The following SMIM5 variants were observed in gnomAD, a reference collection of about 807,000 sequenced individuals.
SMIM5 encodes the protein small integral membrane protein 5.
Under a neutral mutation model 4.0 loss-of-function variants are expected in SMIM5, and 4 were observed. The ratio of observed to expected loss-of-function variants is 1.01; its 90% CI spans 0.50 to 2.30. SMIM5 has a LOEUF of 2.30. SMIM5 is among the 30% of genes most tolerant of loss of function. The pLI, the probability that SMIM5 is intolerant of heterozygous loss-of-function variation, is 0.02. For missense variants in SMIM5, 107 were observed against 99.2 expected (o/e 1.08, Z -0.34); for synonymous variants, 46 against 43.6 (o/e 1.05, Z -0.22).
At position 75,640,680 on chromosome 17, in the gene SMIM5, C is replaced by T; in HGVS notation, c.128-111C>T. The T allele has an allele frequency of 6.7e-7, 1 of 1,484,406 alleles. No homozygotes were observed. Among genetic ancestry groups the T allele is most frequent in the Non-Finnish European group, 9.0e-7 (1 of 1,114,136 alleles). The allele number at this position is 1,484,406 out of a possible 1,614,324, so 92.0% of individuals were successfully genotyped here. The stretch of plus-strand genomic sequence containing the variant: ...CAGCCTCTCGGATCTTTCTGACCTC[C>T]ACCAAACCTGTGGGGGAAAGACCCT... On this transcript the variant is annotated intron_variant, in intron 2 of 2. Transcript: ENST00000375215. The surrounding 1 kb of genome is among the most constrained non-coding windows in gnomAD (Gnocchi z 4.6).
Position 75,636,414 on chromosome 17 carries a change from C to T in SMIM5, c.-37+2212C>T, listed in dbSNP as rs990671139. Among the ~76,000 whole-genome samples, 8 of 152,212 alleles carry T rather than the reference C, an allele frequency of 5.3e-5. No homozygotes were observed. The highest frequency in any genetic ancestry group is 1.2e-4 in the African/African-American group (5 of 41,454). The stretch of plus-strand genomic sequence containing the variant: ...TGGGATCATCAGTAGCCCTCCTGGG[C>T]TTCCCTGCCTTCCTCCTGCCAAACC... On this transcript the variant is annotated intron_variant, in intron 1 of 2. Coordinates refer to ENST00000375215, the MANE Select transcript of SMIM5 (RefSeq NM_001162995.3). The surrounding 1 kb of genome is among the most constrained non-coding windows in gnomAD (Gnocchi z 5.4).
chr17:75,637,754 G>A (rs983713789), intron 1 of SMIM5: 4 of 152,428 alleles, frequency 2.6e-5, no homozygotes, highest in Middle Eastern at 6.8e-3. Context: ...GGCTTCCAGG[G>A]GGCTCTCGGG....
Position 75,640,419 on chromosome 17 carries a change from G to A in SMIM5, c.127+91G>A, listed in dbSNP as rs1393129330. On this transcript the variant is annotated intron_variant, in intron 2 of 2. Transcript: ENST00000375215. This position sits in a 1 kb window ranked among gnomAD's most constrained non-coding sequence, Gnocchi z 4.6. ...CAGCCAGAGGGCTGGCAGAGGTGGC[G>A]GGTGTCTGCCGGATCAAGGAGGAAA... 46 of 1,446,332 alleles carry A rather than the reference G, an allele frequency of 3.2e-5. No individual in the cohort carries two copies. The highest frequency in any genetic ancestry group is 2.3e-4 in the Admixed American group (8 of 34,822). The allele number at this position is 1,446,332 out of a possible 1,614,324, so 89.6% of individuals were successfully genotyped here.
At chr17:75,638,093 G>A (rs2059361366) in intron 1 of SMIM5, 1 of 152,164 alleles carries the variant, frequency 6.6e-6, no homozygotes, top group Non-Finnish European at 1.5e-5. Flanking sequence ...GAGAAGCTGG[G>A]TGGATCTAAC....
At chr17:75,639,399 TG>T (rs1378577857) in intron 1 of SMIM5, 1 of 152,278 alleles carries the variant, frequency 6.6e-6, no homozygotes, top group East Asian at 1.9e-4. Context: ...GAAAGCCTTC[TG>T]GAGTGGCACC....
chr17:75,640,694 G>A lies in SMIM5; in HGVS notation c.128-97G>A. The A allele has an allele frequency of 6.7e-7, 1 of 1,497,128 alleles. No homozygotes were observed. The highest frequency in any genetic ancestry group is 8.9e-7 in the Non-Finnish European group (1 of 1,119,512). 92.7% of individuals were successfully genotyped at this position (1,497,128 alleles called of 1,614,324 possible). ...TTTCTGACCTCCACCAAACCTGTGGGGGAAAGACCCTGGCAGGCAGTGGGT... is the reference window on the plus strand; with the variant it reads ...TTTCTGACCTCCACCAAACCTGTGGAGGAAAGACCCTGGCAGGCAGTGGGT... On this transcript the variant is annotated intron_variant, in intron 2 of 2. Coordinates refer to ENST00000375215, the MANE Select transcript of SMIM5 (RefSeq NM_001162995.3). The surrounding 1 kb of genome is among the most constrained non-coding windows in gnomAD (Gnocchi z 4.6).
chr17:75,639,347 A>G (rs776525928), intron 1 of SMIM5: 1 of 152,248 alleles, frequency 6.6e-6, no homozygotes, highest in Non-Finnish European at 1.5e-5. Flanking sequence ...TCCTCTCTAA[A>G]GAGGCACCAG....
chr17:75,639,117 T>C (rs1353910405), intron 1 of SMIM5: 2 of 152,198 alleles, frequency 1.3e-5, no homozygotes, highest in Non-Finnish European at 2.9e-5. Context: ...TCACGGTGGT[T>C]CTAAACCAGC....
rs1323932278 is a variant in SMIM5, at chr17:75,640,828, C to T, written c.165C>T (p.Cys55=). The T allele has an allele frequency of 3.2e-6, 5 of 1,549,928 alleles. No individual in the cohort carries two copies. The Admixed American group carries it at 9.8e-5, about 30-fold the overall frequency. ...TGTTGCTGCTGATAGCCTGCAGCTGCTGCTGCACTCACTGCTGCTGCCCTG... is the reference window on the plus strand; with the variant it reads ...TGTTGCTGCTGATAGCCTGCAGCTGTTGCTGCACTCACTGCTGCTGCCCTG... ...VLLLLLIACS[C]CCTHCCCPER... The change falls in exon 3 of 3, where the codon TGC becomes TGT. Residue 55 remains cysteine, a synonymous_variant. Transcript: ENST00000375215. The surrounding 1 kb of genome is among the most constrained non-coding windows in gnomAD (Gnocchi z 4.6).
Position 75,641,011 on chromosome 17 carries a change from G to T in SMIM5, c.*114G>T, listed in dbSNP as rs551400753. 6.8e-7 allele frequency: 1 copy of T among 1,471,128 alleles called. No individual in the cohort carries two copies. Among genetic ancestry groups the T allele is most frequent in the East Asian group, 2.5e-5 (1 of 39,898 alleles). 91.1% of individuals were successfully genotyped at this position (1,471,128 alleles called of 1,614,324 possible). On this transcript the variant is annotated 3_prime_UTR_variant, in exon 3 of 3. Coordinates refer to ENST00000375215, the MANE Select transcript of SMIM5 (RefSeq NM_001162995.3). Reference sequence around the variant, plus strand: ...TCAAGACCAGGCTCCCCTGGCCCCAGCTCTGGCCCAGCCCAGGTACCTGGA... The same window carrying T: ...TCAAGACCAGGCTCCCCTGGCCCCATCTCTGGCCCAGCCCAGGTACCTGGA...
intron 1 of SMIM5, among the ~76,000 whole-genome samples, chr17:75,634,557 C>T (rs776411477): frequency 6.6e-5 from 10 of 152,218 alleles, no homozygotes; most frequent in Non-Finnish European, 1.0e-4. Context: ...GAATGGCTGC[C>T]GGCCTGCTGA....
chr17:75,641,216 A>G lies in SMIM5; in HGVS notation c.*319A>G, dbSNP rs1269734776. On this transcript the variant is annotated 3_prime_UTR_variant, in exon 3 of 3. Coordinates refer to ENST00000375215, the MANE Select transcript of SMIM5 (RefSeq NM_001162995.3). The stretch of plus-strand genomic sequence containing the variant: ...AGGAAGTAGGGGTCCCCATACCTTG[A>G]TGGAGAACAGTCCCCACCTGTGGGC... 3.3e-6 allele frequency: 1 copy of G among 304,618 alleles called. No homozygotes were observed. The highest frequency in any genetic ancestry group is 6.4e-6 in the Non-Finnish European group (1 of 155,582). 18.9% of individuals were successfully genotyped at this position (304,618 alleles called of 1,614,324 possible). A position where few individuals can be genotyped will look rare whatever the true frequency, so the allele number is the denominator to read the frequency against.
rs2059431507 is a variant in SMIM5 at position 75,641,333 on chromosome 17, C to A, written c.*436C>A. ...AATAGCTTCTGCATCCGAGCTCCCG[C>A]CAGAGCGTGAGCATGTCAGTATTCT... is the stretch of plus-strand genomic sequence containing the variant. On this transcript the variant is annotated 3_prime_UTR_variant, in exon 3 of 3. Transcript: ENST00000375215. The A allele has an allele frequency of 6.0e-6, 1 of 165,510 alleles. No individual in the cohort carries two copies. The highest frequency in any genetic ancestry group is 2.4e-5 in the African/African-American group (1 of 42,090). 10.3% of individuals were successfully genotyped at this position (165,510 alleles called of 1,614,324 possible).
At chr17:75,635,749 A>G in intron 1 of SMIM5, 4 of 980,962 alleles carry the variant, frequency 4.1e-6, no homozygotes, top group Non-Finnish European at 4.8e-6. Flanking sequence ...ACCCACCATG[A>G]CGAAACAACA....
In SMIM5 at chr17:75,640,990, G is replaced by C; in HGVS notation, c.*93G>C. 2 of 1,498,600 alleles carry C rather than the reference G, an allele frequency of 1.3e-6. No homozygotes were observed. Among genetic ancestry groups the C allele is most frequent in the Non-Finnish European group, 1.8e-6 (2 of 1,121,032 alleles). 92.8% of individuals were successfully genotyped at this position (1,498,600 alleles called of 1,614,324 possible). A position where few individuals can be genotyped will look rare whatever the true frequency, so the allele number is the denominator to read the frequency against. On this transcript the variant is annotated 3_prime_UTR_variant, in exon 3 of 3. Coordinates refer to ENST00000375215, the MANE Select transcript of SMIM5 (RefSeq NM_001162995.3). The surrounding 1 kb of genome is among the most constrained non-coding windows in gnomAD (Gnocchi z 4.6). ...TGGCCCTGCAGCCCTTACCCCTCAA[G>C]ACCAGGCTCCCCTGGCCCCAGCTCT... is the stretch of plus-strand genomic sequence containing the variant.
chr17:75,641,072 C>A lies in SMIM5; in HGVS notation c.*175C>A. 1.7e-6 allele frequency: 2 copies of A among 1,200,750 alleles called. No individual in the cohort carries two copies. Among genetic ancestry groups the A allele is most frequent in the African/African-American group, 1.5e-5 (1 of 65,494 alleles). 74.4% of individuals were successfully genotyped at this position (1,200,750 alleles called of 1,614,324 possible). On this transcript the variant is annotated 3_prime_UTR_variant, in exon 3 of 3. Transcript: ENST00000375215. ...TTGAGCCCTACCAAGGAAACAAGGG[C>A]TGGTATAGGTGCAAACCTCTCATCT... is the stretch of plus-strand genomic sequence containing the variant.
rs1192994634 is a variant in SMIM5, at chr17:75,633,745, A to G, written c.-494A>G. Reference sequence around the variant, plus strand: ...GGTGCCCCAGACCTGAGAGCGCTGCAGGACTCCCCTCCACAGGCTCAGGTG... The same window carrying G: ...GGTGCCCCAGACCTGAGAGCGCTGCGGGACTCCCCTCCACAGGCTCAGGTG... On this transcript the variant is annotated 5_prime_UTR_variant, in exon 1 of 3. Transcript: ENST00000375215. The G allele has an allele frequency of 9.4e-7, 1 of 1,064,636 alleles. No individual in the cohort carries two copies. Among genetic ancestry groups the G allele is most frequent in the Non-Finnish European group, 1.1e-6 (1 of 873,824 alleles). The allele number at this position is 1,064,636 out of a possible 1,614,324, so 65.9% of individuals were successfully genotyped here. A position where few individuals can be genotyped will look rare whatever the true frequency, so the allele number is the denominator to read the frequency against.
chr17:75,640,754 C>A lies in SMIM5; in HGVS notation c.128-37C>A. Reference sequence around the variant, plus strand: ...AGGAGGGTGGGCATCCTTTCTCTCCCCCAACCTGAGTCCCGTGCTCTCTCC... The same window carrying A: ...AGGAGGGTGGGCATCCTTTCTCTCCACCAACCTGAGTCCCGTGCTCTCTCC... On this transcript the variant is annotated intron_variant, in intron 2 of 2. Coordinates refer to ENST00000375215, the MANE Select transcript of SMIM5 (RefSeq NM_001162995.3). This position sits in a 1 kb window ranked among gnomAD's most constrained non-coding sequence, Gnocchi z 4.6. 1 of 1,540,792 alleles carries A rather than the reference C, an allele frequency of 6.5e-7. No individual in the cohort carries two copies. Among genetic ancestry groups the A allele is most frequent in the Non-Finnish European group, 8.8e-7 (1 of 1,140,152 alleles).
rs1211386871 is a variant in SMIM5, at chr17:75,640,087, G to A, written c.-36-79G>A. 2.1e-5 allele frequency: 29 copies of A among 1,389,102 alleles called. No individual in the cohort carries two copies. Among genetic ancestry groups the A allele is most frequent in the Non-Finnish European group, 2.5e-5 (26 of 1,055,146 alleles). 86.0% of individuals were successfully genotyped at this position (1,389,102 alleles called of 1,614,324 possible). On this transcript the variant is annotated intron_variant, in intron 1 of 2. Coordinates refer to ENST00000375215, the MANE Select transcript of SMIM5 (RefSeq NM_001162995.3). This position sits in a 1 kb window ranked among gnomAD's most constrained non-coding sequence, Gnocchi z 4.6. The stretch of plus-strand genomic sequence containing the variant: ...AACTTGTTCTGCGGGCTGCGGATGG[G>A]TGCGAGGGTGGAATCTCGGTGCTGC...
Sources: allele counts gnomAD v4.1 joint callset (sites outside exome capture counted in the v4.1 genomes callset), GRCh38; gene constraint gnomAD v4.1.1; non-coding constraint Gnocchi (gnomAD v3.1); transcripts MANE v1.5; gene names NCBI Gene and HGNC (gene_info 2026-07-23, HGNC 2026-07-21).